Variants in SPAG6 observed in about 807,000 individuals in gnomAD.
SPAG6 encodes the protein sperm-associated antigen 6.
In SPAG6, 49 loss-of-function variants were observed where a neutral mutation model predicts 58.5. That is an observed-to-expected ratio of 0.84 (90% confidence interval 0.67 to 1.06). SPAG6 has a LOEUF of 1.06. SPAG6 is among the 50% of genes least tolerant of loss of function. SPAG6 has a pLI of 0.00. For synonymous variants in SPAG6, 233 were observed against 225.6 expected (o/e 1.03, Z -0.29); for missense variants, 560 against 611.3 (o/e 0.92, Z 0.89).
intron 4 of SPAG6, among the ~76,000 whole-genome samples, chr10:22,384,656 C>T (rs1834028258): frequency 6.6e-6 from 1 of 152,144 alleles, no homozygotes; most frequent in Non-Finnish European, 1.5e-5. Context: ...AATTGCTAGG[C>T]CCACTTTAGG....
At chr10:22,371,791 A>G (rs1278743092) in intron 4 of SPAG6, among the ~76,000 whole-genome samples, 4 of 152,198 alleles carry the variant, frequency 2.6e-5, no homozygotes, top group Admixed American at 6.5e-5. Context: ...GCCGATGGGC[A>G]TTACCTGACT....
intron 2 of SPAG6, among the ~76,000 whole-genome samples, chr10:22,363,519 C>A (rs1837100603): frequency 6.6e-6 from 1 of 152,146 alleles, no homozygotes; most frequent in South Asian, 2.1e-4. Flanking sequence ...TCTAACCTAG[C>A]CAACTTAGGC....
At chr10:22,350,261 T>C (rs1836683496) in intron 2 of SPAG6, among the ~76,000 whole-genome samples, 1 of 152,186 alleles carries the variant, frequency 6.6e-6, no homozygotes, top group Non-Finnish European at 1.5e-5. Flanking sequence ...ACATTCTGTC[T>C]TTGTATATGC....
At chr10:22,409,795 T>A (rs1834683835) in intron 9 of SPAG6, among the ~76,000 whole-genome samples, 1 of 152,000 alleles carries the variant, frequency 6.6e-6, no homozygotes, top group Non-Finnish European at 1.5e-5. Flanking sequence ...TTTTTTTTTG[T>A]CTCTCATAAT....
chr10:22,346,430 G>GTTCTTCCTC (rs1463625993), intron 2 of SPAG6, among the ~76,000 whole-genome samples: 124 of 96,004 alleles, frequency 1.3e-3, no homozygotes, highest in Non-Finnish European at 2.2e-3. Flanking sequence ...AGAGAAAATG[G>GTTCTTCCTC]TTCTTCTTCT....
intron 10 of SPAG6, chr10:22,412,574 A>T: frequency 1.1e-6 from 1 of 923,306 alleles, no homozygotes; most frequent in South Asian, 1.5e-5. Context: ...GTGATATATC[A>T]TAACATGTAT....
chr10:22,361,976 G>A (rs1248230937), intron 2 of SPAG6, among the ~76,000 whole-genome samples: 24 of 146,842 alleles, frequency 1.6e-4, no homozygotes, highest in Non-Finnish European at 1.2e-4. Context: ...AATATATCAA[G>A]TGGGCACATA....
At chr10:22,346,003 T>C (rs774529994) in intron 2 of SPAG6, 185 bp downstream of exon 2, 19 of 1,547,660 alleles carry the variant, frequency 1.2e-5, no homozygotes, top group Admixed American at 2.0e-5. Context: ...CAGATGGTTG[T>C]GGGAGGTGCG....
chr10:22,354,738 C>T (rs145420475), intron 2 of SPAG6, among the ~76,000 whole-genome samples: 24 of 152,210 alleles, frequency 1.6e-4, no homozygotes, highest in African/African-American at 5.3e-4. Flanking sequence ...TGGCTAGGCA[C>T]GGTGGCTCAC....
At chr10:22,385,607 A>C (rs1255760352) in intron 4 of SPAG6, among the ~76,000 whole-genome samples, 2 of 152,194 alleles carry the variant, frequency 1.3e-5, no homozygotes, top group East Asian at 3.9e-4. Context: ...TGAACTGTTT[A>C]TACAATATTG....
At chr10:22,364,791 AT>A (rs1465396782) in intron 2 of SPAG6, 61 bp from the exon 3 acceptor site, 3 of 1,281,584 alleles carry the variant, frequency 2.3e-6, no homozygotes, top group Non-Finnish European at 2.2e-6. Flanking sequence ...TATATACTGA[AT>A]TGTATTTTTG....
intron 4 of SPAG6, among the ~76,000 whole-genome samples, chr10:22,386,365 T>C (rs913252827): frequency 2.0e-5 from 3 of 152,174 alleles, no homozygotes; most frequent in East Asian, 1.9e-4. Context: ...ATTAGTGTGG[T>C]TGGTAAATTT....
intron 2 of SPAG6, among the ~76,000 whole-genome samples, chr10:22,364,123 T>C (rs1224437259): frequency 2.0e-5 from 3 of 152,150 alleles, no homozygotes; most frequent in Non-Finnish European, 4.4e-5. Context: ...GAAAAATGTA[T>C]AAATTATAAC....
chr10:22,364,022 T>C (rs769518309), intron 2 of SPAG6, among the ~76,000 whole-genome samples: 3 of 152,204 alleles, frequency 2.0e-5, no homozygotes, highest in Non-Finnish European at 4.4e-5. Flanking sequence ...AGAGCTGGAA[T>C]ATCCAGTAAA....
chr10:22,364,301 CT>C (rs1837131242), intron 2 of SPAG6, among the ~76,000 whole-genome samples: 1 of 151,962 alleles, frequency 6.6e-6, no homozygotes, highest in African/African-American at 2.4e-5. Flanking sequence ...ATAATAAGTC[CT>C]TGATAAATAT....
intron 8 of SPAG6, among the ~76,000 whole-genome samples, chr10:22,394,305 T>A (rs1001625707): frequency 1.3e-5 from 2 of 152,196 alleles, no homozygotes; most frequent in Non-Finnish European, 2.9e-5. Flanking sequence ...TATACCTTTA[T>A]TTGTTTGGAT....
intron 2 of SPAG6, among the ~76,000 whole-genome samples, chr10:22,362,066 A>G (rs1837058645): frequency 6.8e-6 from 1 of 146,008 alleles, no homozygotes; most frequent in South Asian, 2.1e-4. Flanking sequence ...ATTCTATATA[A>G]GTATATATAA....
chr10:22,346,444 T>TCTTCTC (rs1334550194), intron 2 of SPAG6, among the ~76,000 whole-genome samples: 2 of 135,196 alleles, frequency 1.5e-5, no homozygotes, highest in Non-Finnish European at 3.0e-5. Context: ...TTCTTCTTCT[T>TCTTCTC]CTTCTTCTTC....
At chr10:22,368,282 C>T (rs1030139985) in intron 3 of SPAG6, among the ~76,000 whole-genome samples, 6 of 152,122 alleles carry the variant, frequency 3.9e-5, no homozygotes, top group African/African-American at 1.4e-4. Context: ...CAATGTAAAA[C>T]CTACCTTGTT....
Sources: gnomAD v4.1 joint callset for allele counts (sites outside exome capture counted in the v4.1 genomes callset) on GRCh38, gnomAD v4.1.1 for gene constraint, MANE v1.5 for transcripts, NCBI Gene and HGNC (gene_info 2026-07-23, HGNC 2026-07-21) for gene names.